The following LMNTD1 variants were observed in gnomAD, a reference collection of about 807,000 sequenced individuals.
The protein encoded by LMNTD1 is lamin tail domain-containing protein 1.
In LMNTD1, 35 loss-of-function variants were observed where a neutral mutation model predicts 50.9. That is an observed-to-expected ratio of 0.69 (90% confidence interval 0.53 to 0.91). The LOEUF (loss-of-function observed/expected upper bound fraction) is 0.91. LMNTD1 is among the 40% of genes least tolerant of loss of function. The pLI, the probability that LMNTD1 is intolerant of heterozygous loss-of-function variation, is 0.00. For missense variants in LMNTD1, 470 were observed against 475.5 expected (o/e 0.99, Z 0.11); for synonymous variants, 153 against 161.9 (o/e 0.94, Z 0.42).
chr12:25,619,338 A>G (rs1333741372), intron 1 of LMNTD1, among the ~76,000 whole-genome samples: 1 of 151,766 alleles, frequency 6.6e-6, no homozygotes, highest in African/African-American at 2.4e-5. Context: ...CAAAACCTAA[A>G]GGAAAAGATT....
chr12:25,564,769 CTGATGTTTATTTGT>C (rs1489883982), intron 1 of LMNTD1, among the ~76,000 whole-genome samples: 1 of 152,074 alleles, frequency 6.6e-6, no homozygotes, highest in African/African-American at 2.4e-5. Context: ...TATATTAAGT[CTGATGTTTATTTGT>C]TGATTTTATG....
intron 1 of LMNTD1, among the ~76,000 whole-genome samples, chr12:25,633,086 A>G (rs1946756709): frequency 6.6e-6 from 1 of 152,184 alleles, no homozygotes; most frequent in Non-Finnish European, 1.5e-5. Context: ...AAAGAGGGAC[A>G]TCATGTAATG....
At chr12:25,531,481 G>A (rs563297993) in intron 4 of LMNTD1, among the ~76,000 whole-genome samples, 2 of 152,236 alleles carry the variant, frequency 1.3e-5, no homozygotes, top group South Asian at 4.1e-4. Flanking sequence ...TAAACCAACT[G>A]CCAGCCAATA....
intron 1 of LMNTD1, among the ~76,000 whole-genome samples, chr12:25,609,824 G>C (rs1244240554): frequency 6.6e-6 from 1 of 152,222 alleles, no homozygotes; most frequent in South Asian, 2.1e-4. Flanking sequence ...GAAGCAGTCT[G>C]TCTGTTCTTA....
chr12:25,534,838 G>A (rs1942473051), intron 4 of LMNTD1, among the ~76,000 whole-genome samples: 1 of 152,108 alleles, frequency 6.6e-6, no homozygotes, highest in African/African-American at 2.4e-5. Context: ...ACATTGATTT[G>A]TTTCCACCTA....
chr12:25,620,522 CA>C (rs1202370475), intron 1 of LMNTD1, among the ~76,000 whole-genome samples: 2 of 151,992 alleles, frequency 1.3e-5, no homozygotes, highest in Non-Finnish European at 2.9e-5. Context: ...TTTTCTTCAA[CA>C]AGATAGGAGT....
chr12:25,484,986 G>A (rs1479921068), intron 9 of LMNTD1, among the ~76,000 whole-genome samples: 1 of 152,016 alleles, frequency 6.6e-6, no homozygotes, highest in African/African-American at 2.4e-5. Flanking sequence ...TGTCTTTATA[G>A]CTGCATGATT....
At chr12:25,568,295 G>A (rs1431080852) in intron 1 of LMNTD1, among the ~76,000 whole-genome samples, 1 of 152,228 alleles carries the variant, frequency 6.6e-6, no homozygotes, top group African/African-American at 2.4e-5. Context: ...CGGTCAATAT[G>A]TTGCCTGGCT....
chr12:25,574,919 C>A (rs1477394314), intron 1 of LMNTD1, among the ~76,000 whole-genome samples: 1 of 152,162 alleles, frequency 6.6e-6, no homozygotes, highest in East Asian at 1.9e-4. Flanking sequence ...TCCCATTATA[C>A]TTACAAATTA....
chr12:25,619,665 A>G (rs549863770), intron 1 of LMNTD1, among the ~76,000 whole-genome samples: 38 of 152,242 alleles, frequency 2.5e-4, no homozygotes, highest in Non-Finnish European at 4.9e-4. Flanking sequence ...TTGTTCTGCC[A>G]TTTTCCCAAA....
chr12:25,558,967 GTTTT>G (rs71065955), intron 1 of LMNTD1, among the ~76,000 whole-genome samples: 6 of 146,514 alleles, frequency 4.1e-5, no homozygotes, highest in East Asian at 3.9e-4. Flanking sequence ...TTGACTTACA[GTTTT>G]TTTTTTTGAG....
intron 1 of LMNTD1, among the ~76,000 whole-genome samples, chr12:25,589,824 T>C (rs1207000955): frequency 2.0e-5 from 3 of 152,106 alleles, no homozygotes; most frequent in African/African-American, 7.2e-5. Context: ...ATTCATTGTG[T>C]AGATCTCTTA....
At chr12:25,560,863 G>A in intron 1 of LMNTD1, among the ~76,000 whole-genome samples, 1 of 152,148 alleles carries the variant, frequency 6.6e-6, no homozygotes, top group East Asian at 1.9e-4. Context: ...GAATGCTTGT[G>A]ATTTCTGCAC....
intron 1 of LMNTD1, among the ~76,000 whole-genome samples, chr12:25,628,081 C>T (rs1007512607): frequency 8.4e-6 from 1 of 118,598 alleles, no homozygotes; most frequent in African/African-American, 3.3e-5. Context: ...GCACTCCAGC[C>T]TGGGCGACAG....
At chr12:25,576,240 G>A (rs1429428067) in intron 1 of LMNTD1, among the ~76,000 whole-genome samples, 1 of 152,162 alleles carries the variant, frequency 6.6e-6, no homozygotes, top group African/African-American at 2.4e-5. Flanking sequence ...GGTATTTCTA[G>A]TTCTAGATCC....
chr12:25,619,369 A>G (rs1472005078), intron 1 of LMNTD1, among the ~76,000 whole-genome samples: 1 of 152,094 alleles, frequency 6.6e-6, no homozygotes, highest in Non-Finnish European at 1.5e-5. Context: ...CTTAAAATGT[A>G]AAAGTTCTAT....
intron 1 of LMNTD1, among the ~76,000 whole-genome samples, chr12:25,585,814 G>A (rs1328685580): frequency 6.6e-6 from 1 of 152,130 alleles, no homozygotes; most frequent in African/African-American, 2.4e-5. Context: ...TCATTTTTTT[G>A]TGATGTTGAT....
At chr12:25,636,072 A>T (rs1035069466) in intron 1 of LMNTD1, among the ~76,000 whole-genome samples, 1 of 152,206 alleles carries the variant, frequency 6.6e-6, no homozygotes, top group Non-Finnish European at 1.5e-5. Context: ...ACATTGGCTT[A>T]GGCAAAGATT....
chr12:25,644,546 A>AAAAC (rs771896209), intron 1 of LMNTD1, among the ~76,000 whole-genome samples: 4 of 152,138 alleles, frequency 2.6e-5, no homozygotes, highest in African/African-American at 4.8e-5. Context: ...AACAACCACC[A>AAAAC]AAACAAACAA....
Sources: allele counts gnomAD v4.1 joint callset (sites outside exome capture counted in the v4.1 genomes callset), GRCh38; gene constraint gnomAD v4.1.1; transcripts MANE v1.5; gene names NCBI Gene and HGNC (gene_info 2026-07-23, HGNC 2026-07-21).